NHS: variants seen among roughly 807,000 people sequenced by gnomAD.
NHS encodes NHS actin remodeling regulator.
Under a neutral mutation model 72.5 loss-of-function variants are expected in NHS, and 5 were observed. That is an observed-to-expected ratio of 0.07 (90% confidence interval 0.04 to 0.14). The LOEUF (loss-of-function observed/expected upper bound fraction) is 0.14, where lower values mean the gene tolerates loss of function less well. NHS is among the 10% of genes least tolerant of loss of function. The pLI, the probability that NHS is intolerant of heterozygous loss-of-function variation, is 1.00. For missense variants in NHS, 1,072 were observed against 1,355.7 expected (o/e 0.79, Z 3.29); for synonymous variants, 464 against 547.7 (o/e 0.85, Z 2.13).
chrX:17,657,678 T>C (rs956145270), intron 1 of NHS, among the ~76,000 whole-genome samples: 13 of 112,957 alleles, frequency 1.2e-4, no homozygotes, highest in African/African-American at 3.9e-4. Context: ...GCCACTGGGC[T>C]GCAAGGCTGG....
chrX:17,499,999 G>A (rs760401734), intron 1 of NHS, among the ~76,000 whole-genome samples: 3 of 112,312 alleles, frequency 2.7e-5, no homozygotes, highest in Non-Finnish European at 5.6e-5. Context: ...GACATCCATG[G>A]GTATGGAGTG....
At chrX:17,508,304 A>T (rs2065068819) in intron 1 of NHS, among the ~76,000 whole-genome samples, 1 of 110,668 alleles carries the variant, frequency 9.0e-6, no homozygotes, top group Non-Finnish European at 1.9e-5. Flanking sequence ...CATTTCATAT[A>T]ACTGGAATCA....
chrX:17,549,125 G>T (rs1460448670), intron 1 of NHS, among the ~76,000 whole-genome samples: 12 of 94,043 alleles, frequency 1.3e-4, no homozygotes, highest in Non-Finnish European at 2.4e-4. Context: ...AGATGAGTAG[G>T]CCCCTCATTA....
chrX:17,456,370 A>G (rs1022753813), intron 1 of NHS, among the ~76,000 whole-genome samples: 1 of 111,795 alleles, frequency 8.9e-6, no homozygotes, highest in Non-Finnish European at 1.9e-5. Context: ...AGAGATGGCA[A>G]ATAATTATCT....
At chrX:17,434,673 G>A (rs780026782) in intron 1 of NHS, among the ~76,000 whole-genome samples, 1 of 110,555 alleles carries the variant, frequency 9.0e-6, no homozygotes, top group African/African-American at 3.3e-5. Context: ...TCAATCTCCT[G>A]ATCTCGTGAT....
intron 5 of NHS, among the ~76,000 whole-genome samples, chrX:17,723,602 T>A (rs909247893): frequency 9.0e-6 from 1 of 111,510 alleles, no homozygotes; most frequent in African/African-American, 3.3e-5. Context: ...TATTTTATAT[T>A]GAAAAGACAT....
chrX:17,677,401 GT>G (rs1033111944), intron 1 of NHS, among the ~76,000 whole-genome samples: 4 of 111,448 alleles, frequency 3.6e-5, no homozygotes, highest in African/African-American at 6.5e-5. Flanking sequence ...AGTGTCTGGT[GT>G]TTTTAAAAGG....
chrX:17,564,585 T>C (rs865976191), intron 1 of NHS, among the ~76,000 whole-genome samples: 6 of 112,561 alleles, frequency 5.3e-5, no homozygotes, highest in Middle Eastern at 4.6e-3. Flanking sequence ...CAATTGGCAA[T>C]GTTCAAATGC....
chrX:17,456,925 C>T (rs1402302783), intron 1 of NHS, among the ~76,000 whole-genome samples: 3 of 111,857 alleles, frequency 2.7e-5, no homozygotes, highest in Non-Finnish European at 5.6e-5. Context: ...CTGTAGGACT[C>T]GGCTGGGATT....
chrX:17,430,313 TTCC>T, intron 1 of NHS, among the ~76,000 whole-genome samples: 1 of 86,300 alleles, frequency 1.2e-5, no homozygotes, highest in African/African-American at 4.6e-5. Context: ...CTTTCTTTCT[TTCC>T]TTTCTTTCTT....
chrX:17,550,433 G>C (rs1259496226), intron 1 of NHS, among the ~76,000 whole-genome samples: 1 of 112,407 alleles, frequency 8.9e-6, no homozygotes, highest in Non-Finnish European at 1.9e-5. Flanking sequence ...GCAGGATGTA[G>C]CCAAGGGTGC....
In NHS at chrX:17,726,777, C is replaced by T. The variant is rs1569319907; in HGVS notation, c.2671C>T (p.Pro891Ser). Reference protein sequence around the residue: ...LPHSSREMKLPLDFANTPSRM... With the variant: ...LPHSSREMKLSLDFANTPSRM... The stretch of plus-strand genomic sequence containing the variant: ...TCACAGTTCCAGGGAAATGAAGCTG[C>T]CTCTTGATTTCGCCAACACGCCTTC... The change falls in exon 7 of 9, where the codon CCT (proline) becomes TCT (serine). Residue 891 changes from proline (P) to serine (S), a missense_variant. Pro to Ser is a moderately conservative substitution (Grantham distance 74). Transcript: ENST00000676302. 8.3e-7 allele frequency: 1 copy of T among 1,211,888 alleles called. No individual in the cohort carries two copies. The highest frequency in any genetic ancestry group is 1.1e-6 in the Non-Finnish European group (1 of 895,480).
At chrX:17,632,050 A>G (rs2065823835) in intron 1 of NHS, among the ~76,000 whole-genome samples, 1 of 112,148 alleles carries the variant, frequency 8.9e-6, no homozygotes, top group Non-Finnish European at 1.9e-5. Context: ...CACATTGACC[A>G]GGTAGCAATC....
chrX:17,712,879 G>C (rs2066343150), intron 3 of NHS, among the ~76,000 whole-genome samples: 1 of 111,400 alleles, frequency 9.0e-6, no homozygotes, highest in Admixed American at 9.5e-5. Context: ...TGGTGACAAA[G>C]GTCAAACCCA....
At chrX:17,596,041 CAA>C (rs11325153) in intron 1 of NHS, among the ~76,000 whole-genome samples, 1 of 103,931 alleles carries the variant, frequency 9.6e-6, no homozygotes. Flanking sequence ...TCCCTCCCTC[CAA>C]AAAAAAAAAG....
At position 17,733,300 on chromosome X, in the gene NHS, A is replaced by T. The variant is rs1334877466; in HGVS notation, c.*836A>T. 1 of 109,914 alleles carries T rather than the reference A, an allele frequency of 9.1e-6. No homozygotes were observed. The highest frequency in any genetic ancestry group is 3.3e-5 in the African/African-American group (1 of 30,196). 9.1% of individuals were successfully genotyped at this position (109,914 alleles called of 1,213,427 possible). ...GGACAGAATGAAAAGCATGCTTTTG[A>T]TTTTTTTTTTAATCAGTGAGAGAAG... On this transcript the variant is annotated 3_prime_UTR_variant, in exon 9 of 9. Coordinates refer to ENST00000676302, the MANE Select transcript of NHS (RefSeq NM_001291867.2).
chrX:17,525,638 C>CTTTTTTT (rs1162709869), intron 1 of NHS, among the ~76,000 whole-genome samples: 57 of 53,022 alleles, frequency 1.1e-3, no homozygotes, highest in African/African-American at 3.5e-3. Flanking sequence ...TCTTTCTTTT[C>CTTTTTTT]TTTTTTTTTT....
At chrX:17,467,041 T>C (rs2064873538) in intron 1 of NHS, among the ~76,000 whole-genome samples, 1 of 111,741 alleles carries the variant, frequency 8.9e-6, no homozygotes, top group Non-Finnish European at 1.9e-5. Flanking sequence ...GCATAAGAGC[T>C]TAGCAGGCCC....
At chrX:17,660,740 T>C (rs1465207480) in intron 1 of NHS, among the ~76,000 whole-genome samples, 1 of 112,188 alleles carries the variant, frequency 8.9e-6, no homozygotes, top group East Asian at 2.8e-4. Context: ...TTCCAGGTTT[T>C]CTTAGGTTGG....
Sources: allele counts gnomAD v4.1 joint callset (sites outside exome capture counted in the v4.1 genomes callset), GRCh38; gene constraint gnomAD v4.1.1; transcripts MANE v1.5; gene names NCBI Gene and HGNC (gene_info 2026-07-23, HGNC 2026-07-21).